The following RNF144A variants were observed in gnomAD, a reference collection of about 807,000 sequenced individuals.
RNF144A encodes ring finger protein 144A, also known as E3 ubiquitin-protein ligase RNF144A.
In RNF144A, 11 loss-of-function variants were observed where a neutral mutation model predicts 38.7. The observed-to-expected ratio is 0.28, with a 90% confidence interval of 0.18 to 0.47. RNF144A has a LOEUF of 0.47. Ranked by LOEUF, RNF144A falls within the 20% of genes least tolerant of loss-of-function variation. The probability of loss-of-function intolerance (pLI) is 0.99; values close to 1 mark genes in which losing one functional copy is unlikely to be tolerated. For synonymous variants in RNF144A, 149 were observed against 143.9 expected, an observed-to-expected ratio of 1.04 and a Z score of -0.25; for missense variants, 316 against 377.2, an observed-to-expected ratio of 0.84 and a Z score of 1.34.
intron 2 of RNF144A, among the ~76,000 whole-genome samples, chr2:6,986,652 G>T (rs1046052847): frequency 6.6e-6 from 1 of 152,316 alleles, no homozygotes; most frequent in Middle Eastern, 3.4e-3. Flanking sequence ...TATCATAGAT[G>T]TCCATATATA....
At chr2:7,045,935 G>T (rs1310393848), downstream of RNF144A, among the ~76,000 whole-genome samples, 1 of 152,120 alleles carries the variant, frequency 6.6e-6, no homozygotes, top group African/African-American at 2.4e-5. Flanking sequence ...AAACAATGAT[G>T]GTTAAGCAAA....
intron 1 of RNF144A, among the ~76,000 whole-genome samples, chr2:6,936,351 A>G (rs1181301567): frequency 3.3e-5 from 5 of 152,236 alleles, no homozygotes; most frequent in African/African-American, 2.4e-5. Context: ...ATGTGCACAC[A>G]TAGATGCATA....
rs142528136 is a variant in RNF144A at position 7,020,654 on chromosome 2, G to A, written c.483G>A (p.Pro161=). 26 of 1,605,470 alleles carry A rather than the reference G, an allele frequency of 1.6e-5. No individual in the cohort carries two copies. In the African/African-American group the frequency reaches 2.9e-4, roughly 18 times the overall value. Residue 161 remains proline, a synonymous_variant, in exon 6 of 9, where the codon CCG becomes CCA. Transcript: ENST00000320892. ...HPGQGCPETM[P]ITFLPGETSA... is the part of the protein sequence containing the mutation. ...GCCAGGGCTGCCCGGAGACCATGCCGATCACCTTCCTCCCCGGGGAGACCA... is the reference window on the plus strand; with the variant it reads ...GCCAGGGCTGCCCGGAGACCATGCCAATCACCTTCCTCCCCGGGGAGACCA...
intron 2 of RNF144A, among the ~76,000 whole-genome samples, chr2:6,942,277 G>A (rs1420793521): frequency 6.6e-6 from 1 of 150,530 alleles, no homozygotes; most frequent in Non-Finnish European, 1.5e-5. Context: ...CGTTAGAAAG[G>A]GCGGAGGACA....
chr2:7,043,434 A>G lies in RNF144A; in HGVS notation c.*3674A>G. ...AGGATGGGCTTTGTGTGTGTGTCTC[A>G]GATTCTCATTTATTAGTGAGCACAC... On this transcript the variant is annotated 3_prime_UTR_variant, in exon 9 of 9. Transcript: ENST00000320892. 1 of 985,782 alleles carries G rather than the reference A, an allele frequency of 1.0e-6. No individual in the cohort carries two copies. The highest frequency in any genetic ancestry group is 1.2e-6 in the Non-Finnish European group (1 of 829,924). The allele number at this position is 985,782 out of a possible 1,614,324, so 61.1% of individuals were successfully genotyped here.
intron 7 of RNF144A, 120 bp downstream of exon 7, chr2:7,024,636 G>A: frequency 8.9e-7 from 1 of 1,121,610 alleles, no homozygotes; most frequent in Non-Finnish European, 1.3e-6. Flanking sequence ...TAACAGTGAA[G>A]CAACACCGTT....
At chr2:7,070,720 C>T (rs545644334), downstream of RNF144A, among the ~76,000 whole-genome samples, 63 of 152,168 alleles carry the variant, frequency 4.1e-4, no homozygotes, top group Non-Finnish European at 6.8e-4. Context: ...ACTGAGAGCA[C>T]GCCATACGAT....
In RNF144A at chr2:7,040,653, A is replaced by C; in HGVS notation, c.*893A>C. 1.0e-6 allele frequency: 1 copy of C among 985,464 alleles called. No homozygotes were observed. The highest frequency in any genetic ancestry group is 1.2e-6 in the Non-Finnish European group (1 of 829,940). The allele number at this position is 985,464 out of a possible 1,614,324, so 61.0% of individuals were successfully genotyped here. On this transcript the variant is annotated 3_prime_UTR_variant, in exon 9 of 9. Coordinates refer to ENST00000320892, the MANE Select transcript of RNF144A (RefSeq NM_014746.6). ...TTTGCTCGGCAATGGTTCTCCTCCG[A>C]ATTGCTGCCGTCTGGCCTCTGGCCT...
rs771252 is a variant in RNF144A, at chr2:6,970,025, G to T, written c.-11-26891G>T. On this transcript the variant is annotated intron_variant, in intron 2 of 8. Coordinates refer to ENST00000320892, the MANE Select transcript of RNF144A (RefSeq NM_014746.6). ...TCCACCTGCCTCAGCCTCCCAAAGT[G>T]CTGGGATTACAGGCGTAAGCCACCG... 5.4e-3 allele frequency among the ~76,000 whole-genome samples: 824 copies of T among 152,338 alleles called. 10 individuals carry two copies. The highest frequency in any genetic ancestry group is 0.019 in the African/African-American group (777 of 41,566).
chr2:6,999,965 A>G (rs1186331678), intron 3 of RNF144A, among the ~76,000 whole-genome samples: 1 of 152,240 alleles, frequency 6.6e-6, no homozygotes, highest in African/African-American at 2.4e-5. Flanking sequence ...GGAGGAATGT[A>G]CCAAGACATC....
intron 8 of RNF144A, among the ~76,000 whole-genome samples, chr2:7,038,434 T>C (rs996989822): frequency 6.6e-6 from 1 of 152,220 alleles, no homozygotes; most frequent in Non-Finnish European, 1.5e-5. Flanking sequence ...TCTTGGTCTT[T>C]TTCTGCCAGA....
At chr2:6,961,692 A>G (rs745516755) in intron 2 of RNF144A, among the ~76,000 whole-genome samples, 2 of 152,166 alleles carry the variant, frequency 1.3e-5, no homozygotes, top group Non-Finnish European at 2.9e-5. Context: ...TTGAATACCC[A>G]TCCCTCTTTT....
chr2:6,988,192 G>A (rs769455966), intron 2 of RNF144A, among the ~76,000 whole-genome samples: 3 of 152,168 alleles, frequency 2.0e-5, no homozygotes, highest in South Asian at 2.1e-4. Context: ...AGAAAATGAC[G>A]CAGGTAGTAC....
intron 1 of RNF144A, among the ~76,000 whole-genome samples, chr2:6,929,349 T>C (rs1665072145): frequency 6.6e-6 from 1 of 152,166 alleles, no homozygotes; most frequent in Admixed American, 6.5e-5. Flanking sequence ...ACTCAGAGTT[T>C]GACATTTATT....
rs1572341239 is a variant in RNF144A, at chr2:6,986,632, A to C, written c.-11-10284A>C. On this transcript the variant is annotated intron_variant, in intron 2 of 8. Transcript: ENST00000320892. ...GCAGGGAACCCGGTGGCCCACTGCT[A>C]TTCAAGGTTTATCATAGATGTCCAT... Among the ~76,000 whole-genome samples the C allele has an allele frequency of 2.0e-5, 3 of 152,342 alleles. No individual in the cohort carries two copies. In the Middle Eastern group the frequency reaches 0.01, roughly 518 times the overall value.
downstream of RNF144A, among the ~76,000 whole-genome samples, chr2:7,047,003 G>T (rs1279361643): frequency 6.6e-6 from 1 of 152,176 alleles, no homozygotes; most frequent in Admixed American, 6.5e-5. Context: ...GAATTTATCA[G>T]CTTATCACAA....
chr2:7,033,839 GCA>G (rs1447256307), intron 8 of RNF144A, among the ~76,000 whole-genome samples: 1 of 152,210 alleles, frequency 6.6e-6, no homozygotes, highest in African/African-American at 2.4e-5. Context: ...TGTGCCTGGG[GCA>G]CAGTTATCTT....
chr2:7,054,099 T>C (rs185614353), intron 6 of RNF144A, among the ~76,000 whole-genome samples: 1 of 152,250 alleles, frequency 6.6e-6, no homozygotes, highest in African/African-American at 2.4e-5. Flanking sequence ...CTGCTAACCC[T>C]GAAGGCAGGG....
chr2:6,976,789 A>G (rs1363970717), intron 2 of RNF144A, among the ~76,000 whole-genome samples: 1 of 150,770 alleles, frequency 6.6e-6, no homozygotes, highest in Non-Finnish European at 1.5e-5. Context: ...ATCATAATGA[A>G]CAGATGGGGT....
Sources: allele counts gnomAD v4.1 joint callset (sites outside exome capture counted in the v4.1 genomes callset), GRCh38; gene constraint gnomAD v4.1.1; transcripts MANE v1.5; gene names NCBI Gene and HGNC (gene_info 2026-07-23, HGNC 2026-07-21).